The following ADGRL3 variants were observed in gnomAD, a reference collection of about 807,000 sequenced individuals.
ADGRL3 encodes the protein calcium-independent alpha-latrotoxin receptor 3.
ADGRL3 carries 62 observed loss-of-function variants against 153.5 expected under a neutral mutation model. That is an observed-to-expected ratio of 0.40 (90% CI 0.33 to 0.50). The LOEUF (loss-of-function observed/expected upper bound fraction) is 0.50. Ranked by LOEUF, ADGRL3 falls within the 20% of genes least tolerant of loss-of-function variation. The probability of loss-of-function intolerance (pLI) is 0.47; values close to 1 mark genes in which losing one functional copy is unlikely to be tolerated. For synonymous variants in ADGRL3, 710 were observed against 672.5 expected (o/e 1.06, Z -0.86); for missense variants, 1,641 against 1,859.4 (o/e 0.88, Z 2.16).
chr4:61,774,675 A>G (rs1285186534), intron 8 of ADGRL3, among the ~76,000 whole-genome samples: 1 of 152,130 alleles, frequency 6.6e-6, no homozygotes, highest in Non-Finnish European at 1.5e-5. Flanking sequence ...TAATATTTTG[A>G]GAGAAAGAGA....
chr4:61,514,458 T>C (rs2098480865), intron 3 of ADGRL3, among the ~76,000 whole-genome samples: 1 of 152,192 alleles, frequency 6.6e-6, no homozygotes, highest in African/African-American at 2.4e-5. Context: ...ATATTTATAA[T>C]TCAAATAAAT....
At chr4:61,783,139 G>A (rs552507406) in intron 8 of ADGRL3, among the ~76,000 whole-genome samples, 1 of 152,172 alleles carries the variant, frequency 6.6e-6, no homozygotes, top group African/African-American at 2.4e-5. Context: ...ATTTAAATGT[G>A]GCATCAATTT....
intron 8 of ADGRL3, among the ~76,000 whole-genome samples, chr4:61,805,582 C>T (rs1311515726): frequency 6.6e-6 from 1 of 152,096 alleles, no homozygotes; most frequent in African/African-American, 2.4e-5. Flanking sequence ...TTATCCTAAA[C>T]ACATAATTTC....
At chr4:61,909,273 G>C (rs1469753494) in intron 11 of ADGRL3, among the ~76,000 whole-genome samples, 1 of 152,088 alleles carries the variant, frequency 6.6e-6, no homozygotes. Context: ...AAATAATAGG[G>C]CAAACCTTAG....
At chr4:61,792,322 A>G (rs1310887985) in intron 8 of ADGRL3, among the ~76,000 whole-genome samples, 1 of 152,266 alleles carries the variant, frequency 6.6e-6, no homozygotes, top group East Asian at 1.9e-4. Flanking sequence ...TTGCTAAAAC[A>G]TAGCAAGAGT....
intron 5 of ADGRL3, among the ~76,000 whole-genome samples, chr4:61,653,319 T>C (rs1031460856): frequency 6.6e-6 from 1 of 152,162 alleles, no homozygotes; most frequent in Admixed American, 6.6e-5. Context: ...CTTTCAGAAC[T>C]GTAAGAAACA....
chr4:61,912,781 G>A (rs1332411103), intron 13 of ADGRL3, 24 bp downstream of exon 13: 4 of 1,607,808 alleles, frequency 2.5e-6, no homozygotes, highest in Non-Finnish European at 2.6e-6. Context: ...TTTTATAAAT[G>A]TGTTAAGTTG....
intron 2 of ADGRL3, among the ~76,000 whole-genome samples, chr4:61,484,804 A>C (rs182871002): frequency 1.3e-5 from 2 of 152,316 alleles, no homozygotes; most frequent in East Asian, 3.9e-4. Context: ...TGGAGATTAT[A>C]CTTTGTGGCT....
chr4:61,704,112 A>T (rs986097434), intron 6 of ADGRL3, among the ~76,000 whole-genome samples: 2 of 152,216 alleles, frequency 1.3e-5, no homozygotes, highest in African/African-American at 4.8e-5. Context: ...ATGGGAACAT[A>T]AAAATTATAA....
chr4:61,409,187 T>TATAATATATATTATATATATTAGACATAC lies in ADGRL3; in HGVS notation c.-174+26046_-174+26074dup, dbSNP rs1285514128. Among the ~76,000 whole-genome samples the TATAATATATATTATATATATTAGACATAC allele has an allele frequency of 3.7e-3, 516 of 140,496 alleles. 60 individuals are homozygous for TATAATATATATTATATATATTAGACATAC. The highest frequency in any genetic ancestry group is 0.013 in the African/African-American group (464 of 36,618). 92.2% of individuals were successfully genotyped at this position (140,496 alleles called of 152,430 possible). On this transcript the variant is annotated intron_variant, in intron 2 of 26. Coordinates refer to ENST00000683033, the MANE Select transcript of ADGRL3 (RefSeq NM_001387552.1). The stretch of plus-strand genomic sequence containing the variant: ...GTTAGTTGAAAAATTTTATTATATA[T>TATAATATATATTATATATATTAGACATAC]ATAATATATATTATATATATTAGAC...
chr4:61,370,207 G>T (rs1040308874), intron 1 of ADGRL3, among the ~76,000 whole-genome samples: 3 of 151,376 alleles, frequency 2.0e-5, no homozygotes, highest in African/African-American at 7.3e-5. Context: ...TTTTTTGAAG[G>T]GTTTTTTGTG....
chr4:61,871,214 C>G (rs1561393142), intron 9 of ADGRL3, among the ~76,000 whole-genome samples: 2 of 151,300 alleles, frequency 1.3e-5, no homozygotes, highest in South Asian at 2.1e-4. Context: ...GGAGGCGGAG[C>G]TTGCAGTGAG....
intron 1 of ADGRL3, among the ~76,000 whole-genome samples, chr4:61,340,813 T>G (rs2151127745): frequency 6.6e-6 from 1 of 151,192 alleles, no homozygotes. Context: ...ATTATATATT[T>G]ATGTGTGTGT....
At chr4:61,619,419 A>AT (rs1026149724) in intron 5 of ADGRL3, among the ~76,000 whole-genome samples, 2 of 151,882 alleles carry the variant, frequency 1.3e-5, no homozygotes, top group Non-Finnish European at 2.9e-5. Flanking sequence ...TATTGATATT[A>AT]TTTTTTAAAG....
At chr4:61,403,464 T>C (rs1475695268) in intron 2 of ADGRL3, among the ~76,000 whole-genome samples, 2 of 152,026 alleles carry the variant, frequency 1.3e-5, no homozygotes, top group Non-Finnish European at 2.9e-5. Context: ...TCTGGGTTGG[T>C]ATGCAGTGGA....
intron 8 of ADGRL3, among the ~76,000 whole-genome samples, chr4:61,759,318 G>T (rs889778231): frequency 6.6e-6 from 1 of 152,096 alleles, no homozygotes; most frequent in Non-Finnish European, 1.5e-5. Flanking sequence ...CCAATCAGAC[G>T]TAGATTTGGT....
chr4:61,935,657 A>G lies in ADGRL3; in HGVS notation c.2297-266A>G, dbSNP rs533216007. ...AGATTATATTTTGAAACTTAAGACC[A>G]ATGACAATGTATTAGAATTTGGGAT... On this transcript the variant is annotated intron_variant, in intron 14 of 26. Coordinates refer to ENST00000683033, the MANE Select transcript of ADGRL3 (RefSeq NM_001387552.1). 7.9e-5 allele frequency among the ~76,000 whole-genome samples: 12 copies of G among 152,290 alleles called. No homozygotes were observed. The East Asian group carries it at 2.3e-3, about 29-fold the overall frequency.
At chr4:62,030,878 A>C (rs1280462592) in intron 22 of ADGRL3, among the ~76,000 whole-genome samples, 1 of 151,576 alleles carries the variant, frequency 6.6e-6, no homozygotes, top group Non-Finnish European at 1.5e-5. Flanking sequence ...CCTCACGCTT[A>C]GTCTTTATAA....
intron 9 of ADGRL3, among the ~76,000 whole-genome samples, chr4:61,844,874 A>G (rs917987940): frequency 7.2e-5 from 11 of 152,004 alleles, no homozygotes; most frequent in African/African-American, 2.7e-4. Flanking sequence ...ATGTCTCTCT[A>G]ACACTGAACT....
Sources: allele counts gnomAD v4.1 joint callset (sites outside exome capture counted in the v4.1 genomes callset), GRCh38; gene constraint gnomAD v4.1.1; transcripts MANE v1.5; gene names NCBI Gene and HGNC (gene_info 2026-07-23, HGNC 2026-07-21).